The following SFT2D1 variants were observed in gnomAD, a reference collection of about 807,000 sequenced individuals.
The protein encoded by SFT2D1 is vesicle transport protein SFT2A.
In SFT2D1, 24 loss-of-function variants were observed where a neutral mutation model predicts 28.1. The ratio of observed to expected loss-of-function variants is 0.85; its 90% CI spans 0.62 to 1.20. SFT2D1 has a LOEUF of 1.20. Ranked by LOEUF, SFT2D1 falls within the 50% of genes most tolerant of loss-of-function variation. The pLI, the probability that SFT2D1 is intolerant of heterozygous loss-of-function variation, is 0.00. For synonymous variants in SFT2D1, 82 were observed against 73.7 expected (o/e 1.11, Z -0.58); for missense variants, 181 against 190.9 (o/e 0.95, Z 0.31).
intron 7 of SFT2D1, among the ~76,000 whole-genome samples, chr6:166,321,286 T>G (rs113197808): frequency 6.6e-6 from 1 of 152,320 alleles, no homozygotes; most frequent in Non-Finnish European, 1.5e-5. Context: ...TATCCACTAA[T>G]AAAATTCTTA....
chr6:166,342,445 C>A lies in SFT2D1; in HGVS notation c.37G>T (p.Asp13Tyr). ...TGCGCAGTCAGGCCCTGCTCCTCGT[C>A]GTCCTGGCCGCTCAGGACTCGCCGC... is the stretch of plus-strand genomic sequence containing the variant. ...KLRRVLSGQD[D>Y]EEQGLTAQVL... is the part of the protein sequence containing the mutation. Residue 13 changes from aspartate (D) to tyrosine (Y), a missense_variant, in exon 1 of 8, where the codon GAC becomes TAC. Asp to Tyr is a radical substitution (Grantham distance 160). Coordinates refer to ENST00000361731, the MANE Select transcript of SFT2D1 (RefSeq NM_145169.3). 1 of 1,560,346 alleles carries A rather than the reference C, an allele frequency of 6.4e-7. No individual in the cohort carries two copies. The highest frequency in any genetic ancestry group is 8.7e-7 in the Non-Finnish European group (1 of 1,152,868).
In SFT2D1 at chr6:166,329,529, C is replaced by T. The variant is rs769925855; in HGVS notation, c.211G>A (p.Gly71Ser). ...TACCTGGCTAACGCAGCAAGATTGC[C>T]GAGGGTATAAAACACTGCAAAAAGC... ...IKLFAVFYTL[G>S]NLAALASTCF... is the part of the protein sequence containing the mutation. Residue 71 changes from glycine (G) to serine (S), a missense_variant, in exon 3 of 8, where the codon GGC (glycine) becomes AGC (serine). Coordinates refer to ENST00000361731, the MANE Select transcript of SFT2D1 (RefSeq NM_145169.3). The T allele has an allele frequency of 3.1e-6, 5 of 1,608,662 alleles. No individual in the cohort carries two copies. Among genetic ancestry groups the T allele is most frequent in the Non-Finnish European group, 4.3e-6 (5 of 1,176,226 alleles).
At chr6:166,320,796 G>C (rs572869955) in intron 7 of SFT2D1, among the ~76,000 whole-genome samples, 24 of 151,948 alleles carry the variant, frequency 1.6e-4, no homozygotes, top group African/African-American at 5.5e-4. Flanking sequence ...GGATTACAGG[G>C]ATGAGCCACC....
intron 5 of SFT2D1, among the ~76,000 whole-genome samples, chr6:166,325,302 T>A (rs1778423494): frequency 6.6e-6 from 1 of 152,212 alleles, no homozygotes; most frequent in Non-Finnish European, 1.5e-5. Flanking sequence ...ATATTTCTGA[T>A]AGCATTCTAA....
In SFT2D1 at chr6:166,321,716, T is replaced by C. The variant is rs115526571; in HGVS notation, c.440+1141A>G. Among the ~76,000 whole-genome samples, 203 of 152,380 alleles carry C rather than the reference T, an allele frequency of 1.3e-3. 2 individuals are homozygous for C. Among genetic ancestry groups the C allele is most frequent in the African/African-American group, 4.7e-3 (196 of 41,592 alleles). ...CAAAGCTGTGCCTCACCAGAATCTT[T>C]TTCTAAATCTATCAGATTTAAAATT... On this transcript the variant is annotated intron_variant, in intron 7 of 7. Transcript: ENST00000361731.
rs571860464 is a variant in SFT2D1 at position 166,326,958 on chromosome 6, TTA to T, written c.316-793_316-792del. 1.5e-4 allele frequency among the ~76,000 whole-genome samples: 23 copies of T among 152,330 alleles called. 1 individual carries two copies. In the South Asian group the frequency reaches 4.6e-3, roughly 30 times the overall value. Reference sequence around the variant, plus strand: ...TTGTTAGTAATCTGAAGTTAAATGTTTATATATATGTTGATACATATGCTATT... The same window carrying T: ...TTGTTAGTAATCTGAAGTTAAATGTTTATATATGTTGATACATATGCTATT... On this transcript the variant is annotated intron_variant, in intron 4 of 7. Transcript: ENST00000361731.
At chr6:166,329,215 T>C (rs1212613472) in intron 3 of SFT2D1, among the ~76,000 whole-genome samples, 12 of 152,190 alleles carry the variant, frequency 7.9e-5, no homozygotes, top group Admixed American at 7.2e-4. Flanking sequence ...TAAACGGGGA[T>C]GATAATACTG....
chr6:166,329,269 C>T (rs1012083001), intron 3 of SFT2D1, among the ~76,000 whole-genome samples: 1 of 152,216 alleles, frequency 6.6e-6, no homozygotes, highest in Non-Finnish European at 1.5e-5. Context: ...ACACTTAGAA[C>T]AGTCCCAGAC....
chr6:166,333,401 A>G (rs1227566030), intron 1 of SFT2D1, among the ~76,000 whole-genome samples: 2 of 152,154 alleles, frequency 1.3e-5, no homozygotes, highest in East Asian at 3.9e-4. Flanking sequence ...AGCCCAGGGC[A>G]GTCTTCCTGC....
intron 1 of SFT2D1, among the ~76,000 whole-genome samples, chr6:166,335,947 T>C (rs902768235): frequency 4.6e-5 from 7 of 152,252 alleles, no homozygotes; most frequent in Non-Finnish European, 7.3e-5. Context: ...TTGTGACTAA[T>C]TTTATTAACA....
At chr6:166,336,362 C>T (rs984847140) in intron 1 of SFT2D1, among the ~76,000 whole-genome samples, 3 of 152,146 alleles carry the variant, frequency 2.0e-5, no homozygotes, top group African/African-American at 4.8e-5. Flanking sequence ...TTGGCACATC[C>T]CATGCAATAT....
chr6:166,326,986 A>T (rs1213021912), intron 4 of SFT2D1, among the ~76,000 whole-genome samples: 1 of 152,232 alleles, frequency 6.6e-6, no homozygotes, highest in African/African-American at 2.4e-5. Flanking sequence ...ATATGCTATT[A>T]TAGGAAATTC....
At position 166,326,232 on chromosome 6, in the gene SFT2D1, A is replaced by G. The variant is rs73263170; in HGVS notation, c.316-65T>C. The stretch of plus-strand genomic sequence containing the variant: ...TTTCAAAAGCCTAATAAAAATGCAT[A>G]AACTATTCTGCATTCATTTACATAG... On this transcript the variant is annotated intron_variant, in intron 4 of 7. Transcript: ENST00000361731. The G allele has an allele frequency of 0.01, 14,353 of 1,384,542 alleles. 1,179 individuals carry two copies. The African/African-American group carries it at 0.18, about 17-fold the overall frequency. 85.8% of individuals were successfully genotyped at this position (1,384,542 alleles called of 1,614,324 possible). A position where few individuals can be genotyped will look rare whatever the true frequency, so the allele number is the denominator to read the frequency against.
chr6:166,326,024 A>G (rs1305366512), intron 5 of SFT2D1, 108 bp downstream of exon 5: 1 of 1,084,168 alleles, frequency 9.2e-7, no homozygotes, highest in East Asian at 2.4e-5. Context: ...ATCTTTAGAG[A>G]GTTTTAAAAA....
At chr6:166,332,444 CG>C (rs1778569465) in intron 1 of SFT2D1, among the ~76,000 whole-genome samples, 1 of 152,108 alleles carries the variant, frequency 6.6e-6, no homozygotes, top group Non-Finnish European at 1.5e-5. Context: ...TTAGTAGAAA[CG>C]GGGTTTCACT....
intron 5 of SFT2D1, among the ~76,000 whole-genome samples, chr6:166,324,923 C>T (rs1039171753): frequency 4.6e-5 from 7 of 152,050 alleles, no homozygotes; most frequent in Non-Finnish European, 5.9e-5. Context: ...TATCTAGAAT[C>T]GACATGTAAA....
chr6:166,340,067 C>T (rs552281005), intron 1 of SFT2D1, among the ~76,000 whole-genome samples: 4 of 152,346 alleles, frequency 2.6e-5, no homozygotes, highest in Non-Finnish European at 5.9e-5. Flanking sequence ...GCATCCTTGC[C>T]TCCTCCCACT....
At chr6:166,334,412 C>T (rs1164145253) in intron 1 of SFT2D1, among the ~76,000 whole-genome samples, 1 of 152,190 alleles carries the variant, frequency 6.6e-6, no homozygotes, top group Non-Finnish European at 1.5e-5. Flanking sequence ...GGCAACATGG[C>T]GAGTCCTCCA....
At chr6:166,336,476 A>T (rs1173111041) in intron 1 of SFT2D1, among the ~76,000 whole-genome samples, 4 of 152,226 alleles carry the variant, frequency 2.6e-5, no homozygotes, top group Admixed American at 6.5e-5. Flanking sequence ...TCTCTTAAAA[A>T]AACACTGTAG....
Sources: gnomAD v4.1 joint callset for allele counts (sites outside exome capture counted in the v4.1 genomes callset) on GRCh38, gnomAD v4.1.1 for gene constraint, MANE v1.5 for transcripts, NCBI Gene and HGNC (gene_info 2026-07-23, HGNC 2026-07-21) for gene names.